NELL2: variants seen among roughly 807,000 people sequenced by gnomAD.
The protein encoded by NELL2 is protein kinase C-binding protein NELL2.
A neutral mutation model predicts 109.6 loss-of-function variants in NELL2; 41 were observed. The observed-to-expected ratio is 0.37, with a 90% CI of 0.29 to 0.49. The LOEUF is 0.49. NELL2 is among the 20% of genes least tolerant of loss of function. The pLI, the probability that NELL2 is intolerant of heterozygous loss-of-function variation, is 0.98. For missense variants in NELL2, 900 were observed against 1,008.3 expected (o/e 0.89, Z 1.45); for synonymous variants, 355 against 344.7 (o/e 1.03, Z -0.33).
At chr12:44,813,007 C>T (rs76809743) in intron 3 of NELL2, among the ~76,000 whole-genome samples, 4,721 of 152,138 alleles carry the variant, frequency 0.031, 116 homozygotes, top group Admixed American at 0.042. Flanking sequence ...AATAAGAGTG[C>T]TGATCTTGTA....
intron 3 of NELL2, 112 bp from the exon 4 acceptor site, chr12:44,780,134 G>C (rs1941902354): frequency 9.3e-7 from 1 of 1,071,956 alleles, no homozygotes. Context: ...CTCCCACTAA[G>C]TACAACTAGA....
chr12:44,687,485 C>A (rs553323862), intron 12 of NELL2, among the ~76,000 whole-genome samples: 1 of 152,360 alleles, frequency 6.6e-6, no homozygotes, highest in Non-Finnish European at 1.5e-5. Flanking sequence ...TGTCATTAAC[C>A]AGGCCCAAGC....
chr12:44,703,688 AT>A, intron 12 of NELL2, 37 bp downstream of exon 12: 1 of 1,609,144 alleles, frequency 6.2e-7, no homozygotes, highest in Non-Finnish European at 8.5e-7. Flanking sequence ...ATCCTAGAAA[AT>A]TTATACAGCT....
intron 13 of NELL2, among the ~76,000 whole-genome samples, chr12:44,655,345 G>A (rs1372590793): frequency 1.3e-5 from 2 of 152,110 alleles, no homozygotes; most frequent in African/African-American, 2.4e-5. Context: ...CTACATAAAG[G>A]CTCTGACAAG....
intron 10 of NELL2, 114 bp downstream of exon 10, chr12:44,714,536 T>C (rs1938380887): frequency 1.7e-6 from 1 of 605,342 alleles, no homozygotes; most frequent in Non-Finnish European, 2.9e-6. Context: ...TATTGTGAAT[T>C]TTCTCTTTGC....
At chr12:44,871,802 G>GT (rs1414776304) in intron 2 of NELL2, among the ~76,000 whole-genome samples, 57 of 152,182 alleles carry the variant, frequency 3.7e-4, no homozygotes, top group African/African-American at 1.2e-3. Context: ...AAACCTTAAA[G>GT]TTTTTTACAA....
chr12:44,857,031 T>C (rs1007524419), intron 2 of NELL2, among the ~76,000 whole-genome samples: 3 of 152,106 alleles, frequency 2.0e-5, no homozygotes, highest in African/African-American at 7.2e-5. Flanking sequence ...AAAATTATAA[T>C]ACAGTGTGGT....
At chr12:44,833,929 C>T (rs1220320734) in intron 2 of NELL2, among the ~76,000 whole-genome samples, 1 of 152,196 alleles carries the variant, frequency 6.6e-6, no homozygotes, top group Non-Finnish European at 1.5e-5. Flanking sequence ...TTAAAACAAG[C>T]TGCTTTCTTC....
chr12:44,552,136 G>A (rs945522575), intron 15 of NELL2, among the ~76,000 whole-genome samples: 2 of 152,134 alleles, frequency 1.3e-5, no homozygotes, highest in African/African-American at 4.8e-5. Context: ...ATTTTAAAAA[G>A]ATCACTTAAT....
upstream of NELL2, chr12:44,876,501 G>C: frequency 7.3e-7 from 1 of 1,375,576 alleles, no homozygotes; most frequent in Non-Finnish European, 9.5e-7. Flanking sequence ...TGCAGCCTCA[G>C]CTCTTCTCCC....
intron 3 of NELL2, among the ~76,000 whole-genome samples, chr12:44,815,505 G>C (rs368061294): frequency 3.9e-5 from 6 of 152,226 alleles, no homozygotes; most frequent in African/African-American, 1.4e-4. Context: ...TTTAGGAATA[G>C]CAACTTCTTA....
At chr12:44,900,984 T>TCAAAACAAAACAAAA (rs140014427) in intron 1 of NELL2, among the ~76,000 whole-genome samples, 68 of 150,096 alleles carry the variant, frequency 4.5e-4, no homozygotes, top group African/African-American at 1.5e-3. Flanking sequence ...TAAGAAACTG[T>TCAAAACAAAACAAAA]CAAAACAAAA....
At chr12:44,791,087 A>ATATATATGTATATATATATATACG (rs1942377950) in intron 3 of NELL2, among the ~76,000 whole-genome samples, 1 of 25,322 alleles carries the variant, frequency 3.9e-5, no homozygotes, top group African/African-American at 1.3e-4. Flanking sequence ...ATATACATAT[A>ATATATATGTATATATATATATACG]TATATATATG....
chr12:44,784,352 G>T (rs1348015313), intron 3 of NELL2, among the ~76,000 whole-genome samples: 1 of 151,724 alleles, frequency 6.6e-6, no homozygotes, highest in East Asian at 1.9e-4. Context: ...AAAAGGAAAA[G>T]AAAGGAAAGA....
At chr12:44,759,474 C>G (rs1398980721) in intron 9 of NELL2, among the ~76,000 whole-genome samples, 2 of 152,146 alleles carry the variant, frequency 1.3e-5, no homozygotes, top group East Asian at 1.9e-4. Context: ...GAAAGATGCT[C>G]TAGTCATCTC....
intron 9 of NELL2, among the ~76,000 whole-genome samples, chr12:44,728,239 C>T (rs1206452574): frequency 6.6e-6 from 1 of 151,986 alleles, no homozygotes; most frequent in African/African-American, 2.4e-5. Context: ...TATCAATAGA[C>T]AGTAATTTTT....
intron 9 of NELL2, among the ~76,000 whole-genome samples, chr12:44,751,902 G>A (rs1398982474): frequency 6.6e-6 from 1 of 151,268 alleles, no homozygotes; most frequent in African/African-American, 2.4e-5. Context: ...GGAAGAAGAA[G>A]AATTATCTTG....
chr12:44,858,538 A>G (rs2136798788), intron 2 of NELL2, among the ~76,000 whole-genome samples: 1 of 152,324 alleles, frequency 6.6e-6, no homozygotes, highest in East Asian at 1.9e-4. Flanking sequence ...GCTATGCTAT[A>G]CTTTTTTCTT....
chr12:44,853,110 T>C (rs769282903), intron 2 of NELL2, among the ~76,000 whole-genome samples: 1 of 152,162 alleles, frequency 6.6e-6, no homozygotes, highest in Non-Finnish European at 1.5e-5. Flanking sequence ...CAAGTTCTTA[T>C]ATCCACTGCA....
Sources: allele counts gnomAD v4.1 joint callset (sites outside exome capture counted in the v4.1 genomes callset), GRCh38; gene constraint gnomAD v4.1.1; transcripts MANE v1.5; gene names NCBI Gene and HGNC (gene_info 2026-07-23, HGNC 2026-07-21).